The following ACTR3C variants were observed in gnomAD, a reference collection of about 807,000 sequenced individuals.
The protein encoded by ACTR3C is actin related protein 3C.
A neutral mutation model predicts 26.3 loss-of-function variants in ACTR3C; 18 were observed. The observed-to-expected ratio is 0.68, with a 90% CI of 0.47 to 1.01. The LOEUF (loss-of-function observed/expected upper bound fraction) is 1.01, where lower values mean the gene tolerates loss of function less well. ACTR3C is among the 50% of genes least tolerant of loss of function. The probability of loss-of-function intolerance (pLI) is 0.00; values close to 1 mark genes in which losing one functional copy is unlikely to be tolerated. For missense variants in ACTR3C, 184 were observed against 250.7 expected (o/e 0.73, Z 1.80); for synonymous variants, 55 against 94.5 (o/e 0.58, Z 2.42).
chr7:150,196,261 C>T, the ACTR3C span, among the ~76,000 whole-genome samples: 1 of 152,174 alleles, frequency 6.6e-6, no homozygotes, highest in Non-Finnish European at 1.5e-5. Flanking sequence ...AGCCATTTTA[C>T]ATTGTACCAT....
chr7:150,067,106 TGAG>T, the ACTR3C span, among the ~76,000 whole-genome samples: 4 of 152,196 alleles, frequency 2.6e-5, no homozygotes, highest in Admixed American at 2.0e-4. Flanking sequence ...CACCTCTTCA[TGAG>T]GAGGATGTAG....
At chr7:150,314,906 C>A (rs908040956) in intron 1 of ACTR3C, among the ~76,000 whole-genome samples, 2 of 149,410 alleles carry the variant, frequency 1.3e-5, no homozygotes, top group Non-Finnish European at 1.5e-5. Flanking sequence ...AAACTGTGAT[C>A]ACACCACTGC....
chr7:149,955,576 A>G, the ACTR3C span, among the ~76,000 whole-genome samples: 1 of 152,180 alleles, frequency 6.6e-6, no homozygotes, highest in Non-Finnish European at 1.5e-5. Flanking sequence ...TAAGGTGCAT[A>G]CGGTGTTTTT....
the ACTR3C span, among the ~76,000 whole-genome samples, chr7:149,971,720 G>T: frequency 6.6e-6 from 1 of 152,214 alleles, no homozygotes; most frequent in Non-Finnish European, 1.5e-5. Flanking sequence ...ACACAGTGGA[G>T]TGTCATGTCT....
chr7:150,135,504 G>C, the ACTR3C span, among the ~76,000 whole-genome samples: 3 of 152,152 alleles, frequency 2.0e-5, no homozygotes, highest in African/African-American at 7.2e-5. Context: ...AGATGCAGCT[G>C]ACAGGCAGAT....
At chr7:150,318,275 C>T (rs1184071476) in intron 1 of ACTR3C, among the ~76,000 whole-genome samples, 2 of 152,142 alleles carry the variant, frequency 1.3e-5, no homozygotes, top group Non-Finnish European at 2.9e-5. Flanking sequence ...CGAGGGATTT[C>T]TGGGAGCACC....
chr7:149,960,443 T>A, the ACTR3C span, among the ~76,000 whole-genome samples: 1 of 152,190 alleles, frequency 6.6e-6, no homozygotes, highest in African/African-American at 2.4e-5. Flanking sequence ...AAAAAATGCA[T>A]ACTACAAACA....
the ACTR3C span, among the ~76,000 whole-genome samples, chr7:149,905,165 C>T: frequency 4.0e-5 from 6 of 151,476 alleles, no homozygotes; most frequent in East Asian, 1.9e-4. Context: ...GAGTAGGAAT[C>T]GAACCCACTA....
the ACTR3C span, among the ~76,000 whole-genome samples, chr7:149,939,241 A>G: frequency 6.6e-6 from 1 of 152,110 alleles, no homozygotes; most frequent in East Asian, 1.9e-4. Context: ...CGGCCTCCCA[A>G]AGTGCTGGGA....
chr7:150,179,045 T>C, the ACTR3C span, among the ~76,000 whole-genome samples: 4 of 149,384 alleles, frequency 2.7e-5, no homozygotes, highest in Admixed American at 6.6e-5. Flanking sequence ...TTCTGACACA[T>C]GGCTGGATGT....
the ACTR3C span, among the ~76,000 whole-genome samples, chr7:150,111,813 A>T: frequency 6.9e-6 from 1 of 144,606 alleles, no homozygotes; most frequent in African/African-American, 2.6e-5. Context: ...AATCCCCACC[A>T]GGTGAAAACG....
the ACTR3C span, among the ~76,000 whole-genome samples, chr7:149,991,593 T>C: frequency 6.6e-6 from 1 of 152,208 alleles, no homozygotes. Flanking sequence ...CTCTCCTCAT[T>C]AATGATGTCA....
At chr7:150,013,611 C>T in the ACTR3C span, among the ~76,000 whole-genome samples, 1 of 152,218 alleles carries the variant, frequency 6.6e-6, no homozygotes, top group Non-Finnish European at 1.5e-5. Context: ...TAGGAAGATG[C>T]CTTGGGCATG....
the ACTR3C span, among the ~76,000 whole-genome samples, chr7:150,095,040 G>A: frequency 2.0e-5 from 3 of 147,538 alleles, no homozygotes; most frequent in East Asian, 2.0e-4. Flanking sequence ...CCTCCTGGGC[G>A]ATGTCACCTG....
chr7:150,293,890 C>T (rs2531047), intron 2 of ACTR3C, among the ~76,000 whole-genome samples: 2 of 152,106 alleles, frequency 1.3e-5, no homozygotes, highest in East Asian at 1.9e-4. Context: ...GAGCCATAAT[C>T]GCACCACTGC....
intron 6 of ACTR3C, among the ~76,000 whole-genome samples, chr7:150,256,774 A>G (rs1023532851): frequency 2.0e-5 from 3 of 152,246 alleles, no homozygotes; most frequent in Non-Finnish European, 4.4e-5. Flanking sequence ...TGTAAAAAAA[A>G]AAATAAACAC....
At chr7:150,172,858 G>A in the ACTR3C span, among the ~76,000 whole-genome samples, 2 of 150,710 alleles carry the variant, frequency 1.3e-5, no homozygotes, top group African/African-American at 5.0e-5. Flanking sequence ...AATCCAGAAG[G>A]GCAGTCAAAT....
the ACTR3C span, among the ~76,000 whole-genome samples, chr7:149,908,521 C>T: frequency 6.6e-6 from 1 of 152,210 alleles, no homozygotes; most frequent in Non-Finnish European, 1.5e-5. Context: ...CCAAATACAG[C>T]TTTAGCCCTC....
chr7:150,240,535 A>G (rs1377038841), downstream of ACTR3C, among the ~76,000 whole-genome samples: 1 of 152,234 alleles, frequency 6.6e-6, no homozygotes, highest in African/African-American at 2.4e-5. Flanking sequence ...TACCTATGTA[A>G]CAAACCTACA....
Sources: allele counts gnomAD v4.1 joint callset (sites outside exome capture counted in the v4.1 genomes callset), GRCh38; gene constraint gnomAD v4.1.1; transcripts MANE v1.5; gene names NCBI Gene and HGNC (gene_info 2026-07-23, HGNC 2026-07-21).